CXCL13: variants seen among roughly 807,000 people sequenced by gnomAD.
CXCL13 encodes the protein C-X-C motif chemokine 13.
In CXCL13, 7 loss-of-function variants were observed where a neutral mutation model predicts 12.2. The observed-to-expected ratio is 0.57, with a 90% CI of 0.33 to 1.07. The LOEUF is 1.07. Among genes scored for constraint, CXCL13 ranks in the 50% least tolerant of loss-of-function variants. The pLI, the probability that CXCL13 is intolerant of heterozygous loss-of-function variation, is 0.04. For missense variants in CXCL13, 113 were observed against 127.4 expected (o/e 0.89, Z 0.55); for synonymous variants, 47 against 42.4 (o/e 1.11, Z -0.42).
chr4:77,584,706 CTGTT>C (rs977229016), intron 1 of CXCL13, among the ~76,000 whole-genome samples: 27 of 152,148 alleles, frequency 1.8e-4, no homozygotes, highest in African/African-American at 6.0e-4. Flanking sequence ...AGTGCCTTGA[CTGTT>C]TGGGAAAGCT....
intron 1 of CXCL13, among the ~76,000 whole-genome samples, chr4:77,521,058 G>A (rs778493721): frequency 2.6e-5 from 4 of 152,158 alleles, no homozygotes; most frequent in South Asian, 2.1e-4. Flanking sequence ...TGCATCCCAG[G>A]GATGAAGCCA....
At chr4:77,528,606 C>G (rs994598867) in intron 1 of CXCL13, among the ~76,000 whole-genome samples, 1 of 152,178 alleles carries the variant, frequency 6.6e-6, no homozygotes, top group African/African-American at 2.4e-5. Context: ...ACATCCTTCG[C>G]CCACTTTTTG....
chr4:77,548,290 A>G (rs920915854), intron 1 of CXCL13, among the ~76,000 whole-genome samples: 6 of 152,208 alleles, frequency 3.9e-5, no homozygotes, highest in African/African-American at 1.2e-4. Flanking sequence ...TATTTAGTCT[A>G]TTGGAAACAT....
intron 1 of CXCL13, among the ~76,000 whole-genome samples, chr4:77,542,438 A>G (rs1725227562): frequency 6.6e-6 from 1 of 152,010 alleles, no homozygotes; most frequent in South Asian, 2.1e-4. Context: ...GGTCTAATTG[A>G]GAGTTTTTTC....
At chr4:77,608,440 CAAA>C (rs5859581) in intron 2 of CXCL13, among the ~76,000 whole-genome samples, 1 of 129,572 alleles carries the variant, frequency 7.7e-6, no homozygotes. Flanking sequence ...AACTCCATCT[CAAA>C]AAAAAAAAAA....
intron 1 of CXCL13, among the ~76,000 whole-genome samples, chr4:77,554,761 G>T (rs1012633945): frequency 6.6e-6 from 1 of 151,948 alleles, no homozygotes; most frequent in Non-Finnish European, 1.5e-5. Flanking sequence ...GACTACAAAA[G>T]AATCAATTAG....
intron 1 of CXCL13, among the ~76,000 whole-genome samples, chr4:77,511,945 C>A (rs961594616): frequency 6.6e-6 from 1 of 152,152 alleles, no homozygotes; most frequent in African/African-American, 2.4e-5. Context: ...TTCTGAGTCT[C>A]AAATCAAGGG....
chr4:77,528,138 CA>C (rs1356338805), intron 1 of CXCL13, among the ~76,000 whole-genome samples: 1 of 152,174 alleles, frequency 6.6e-6, no homozygotes, highest in Non-Finnish European at 1.5e-5. Flanking sequence ...CATAGTATTC[CA>C]TGGTGTATAT....
upstream of CXCL13, among the ~76,000 whole-genome samples, chr4:77,602,569 A>G (rs1327098932): frequency 2.0e-5 from 3 of 152,114 alleles, no homozygotes; most frequent in African/African-American, 4.8e-5. Flanking sequence ...ATCACAATTT[A>G]AGTACCAAGG....
intron 1 of CXCL13, among the ~76,000 whole-genome samples, chr4:77,571,222 C>G (rs577087070): frequency 1.3e-5 from 2 of 151,692 alleles, no homozygotes; most frequent in African/African-American, 4.9e-5. Context: ...TTTGTGAATG[C>G]GCCAGTCAAC....
rs59478034 is a variant in CXCL13 at position 77,531,098 on chromosome 4, TTTATTA to T, written c.-43+19339_-43+19344del. Among the ~76,000 whole-genome samples, 1,030 of 144,324 alleles carry T rather than the reference TTTATTA, an allele frequency of 7.1e-3. 3 individuals are homozygous for T. Among genetic ancestry groups the T allele is most frequent in the African/African-American group, 0.02 (773 of 39,298 alleles). The allele number at this position is 144,324 out of a possible 152,430, so 94.7% of individuals were successfully genotyped here. A position where few individuals can be genotyped will look rare whatever the true frequency, so the allele number is the denominator to read the frequency against. ...ATTTGAGTGTTTTTGAGTGAGTTTC[TTTATTA>T]TTATTATTATTATTATTATTATTAT... On this transcript the variant is annotated intron_variant, in intron 1 of 4. Coordinates refer to the CXCL13 transcript ENST00000286758.
chr4:77,542,623 A>T (rs1348072001), intron 1 of CXCL13, among the ~76,000 whole-genome samples: 1 of 152,126 alleles, frequency 6.6e-6, no homozygotes, highest in African/African-American at 2.4e-5. Flanking sequence ...AAACAATATC[A>T]TGTGGTTTTT....
intron 1 of CXCL13, among the ~76,000 whole-genome samples, chr4:77,512,558 C>G (rs75224514): frequency 6.6e-6 from 1 of 152,064 alleles, no homozygotes; most frequent in African/African-American, 2.4e-5. Context: ...AGGGCCTTTT[C>G]TCTGTGTGTC....
intron 1 of CXCL13, among the ~76,000 whole-genome samples, chr4:77,583,848 G>A (rs1425395145): frequency 1.3e-5 from 2 of 152,194 alleles, no homozygotes; most frequent in Non-Finnish European, 2.9e-5. Context: ...TGGGCTAGGT[G>A]AGTTTGTTAT....
intron 1 of CXCL13, among the ~76,000 whole-genome samples, chr4:77,544,078 A>G (rs980427049): frequency 4.7e-4 from 72 of 152,238 alleles, no homozygotes; most frequent in African/African-American, 1.6e-3. Flanking sequence ...ACATGAACTC[A>G]TCCTTTTTTA....
At chr4:77,540,251 A>G (rs1280259036) in intron 1 of CXCL13, among the ~76,000 whole-genome samples, 1 of 152,166 alleles carries the variant, frequency 6.6e-6, no homozygotes, top group African/African-American at 2.4e-5. Flanking sequence ...CCATAAATAC[A>G]TTTTTTAATA....
chr4:77,546,012 G>T (rs1725352957), intron 1 of CXCL13, among the ~76,000 whole-genome samples: 1 of 152,136 alleles, frequency 6.6e-6, no homozygotes. Flanking sequence ...TCATGATGTG[G>T]TTTTTGTCAT....
At chr4:77,601,947 A>C (rs1726887628), upstream of CXCL13, among the ~76,000 whole-genome samples, 1 of 152,220 alleles carries the variant, frequency 6.6e-6, no homozygotes, top group Non-Finnish European at 1.5e-5. Flanking sequence ...TATTGTGCTG[A>C]AAGTTATGTG....
chr4:77,597,470 G>T (rs759162220), intron 1 of CXCL13, among the ~76,000 whole-genome samples: 3 of 152,110 alleles, frequency 2.0e-5, no homozygotes, highest in Non-Finnish European at 2.9e-5. Flanking sequence ...GTAACATCTG[G>T]AATTGATGCA....
Sources: gnomAD v4.1 joint callset for allele counts (sites outside exome capture counted in the v4.1 genomes callset) on GRCh38, gnomAD v4.1.1 for gene constraint, MANE v1.5 for transcripts, NCBI Gene and HGNC (gene_info 2026-07-23, HGNC 2026-07-21) for gene names.